Variants in SMYD3 observed in about 807,000 individuals in gnomAD.
SMYD3 encodes histone-lysine N-methyltransferase SMYD3.
SMYD3 carries 36 observed loss-of-function variants against 57.7 expected under a neutral mutation model. The ratio of observed to expected loss-of-function variants is 0.62; its 90% confidence interval spans 0.48 to 0.82. The LOEUF (loss-of-function observed/expected upper bound fraction) is 0.82, where lower values mean the gene tolerates loss of function less well. Ranked by LOEUF, SMYD3 falls within the 40% of genes least tolerant of loss-of-function variation. The pLI is 0.00. For synonymous variants in SMYD3, 211 were observed against 195.0 expected, an observed-to-expected ratio of 1.08 and a Z score of -0.68; for missense variants, 515 against 538.8, an observed-to-expected ratio of 0.96 and a Z score of 0.44.
intron 5 of SMYD3, among the ~76,000 whole-genome samples, chr1:246,000,697 C>T (rs2059023239): frequency 1.3e-5 from 2 of 152,338 alleles, no homozygotes; most frequent in South Asian, 4.1e-4. Flanking sequence ...TTCCAGGGCG[C>T]TCACTAATCA....
intron 1 of SMYD3, among the ~76,000 whole-genome samples, chr1:246,374,473 G>A (rs1291895130): frequency 1.3e-5 from 2 of 152,066 alleles, no homozygotes; most frequent in Non-Finnish European, 2.9e-5. Flanking sequence ...AGACCACTTG[G>A]TGCTCTGTTT....
At chr1:246,036,549 T>G (rs1416230489) in intron 5 of SMYD3, among the ~76,000 whole-genome samples, 18 of 115,280 alleles carry the variant, frequency 1.6e-4, no homozygotes, top group South Asian at 1.0e-3. Context: ...CTTTTTTTTT[T>G]TTTTGTTTTG....
intron 5 of SMYD3, among the ~76,000 whole-genome samples, chr1:245,956,330 A>G (rs1328826604): frequency 6.6e-6 from 1 of 152,244 alleles, no homozygotes; most frequent in Non-Finnish European, 1.5e-5. Flanking sequence ...TGTCTGATTC[A>G]TTGTGGCTTC....
intron 11 of SMYD3, among the ~76,000 whole-genome samples, chr1:245,750,338 A>G (rs2147997166): frequency 6.6e-6 from 1 of 152,320 alleles, no homozygotes; most frequent in Admixed American, 6.5e-5. Context: ...AAGAGACTCC[A>G]TGCTGCAAGG....
At chr1:246,211,676 A>C (rs1299320011) in intron 5 of SMYD3, among the ~76,000 whole-genome samples, 1 of 152,162 alleles carries the variant, frequency 6.6e-6, no homozygotes, top group Non-Finnish European at 1.5e-5. Flanking sequence ...CTACCAATGA[A>C]TAGATTCTTC....
chr1:245,949,346 C>G, intron 5 of SMYD3, among the ~76,000 whole-genome samples: 1 of 152,274 alleles, frequency 6.6e-6, no homozygotes, highest in East Asian at 1.9e-4. Flanking sequence ...CTGGTGCGCC[C>G]GGGGTCCCTG....
intron 1 of SMYD3, among the ~76,000 whole-genome samples, chr1:246,473,591 T>TA (rs1402095639): frequency 1.3e-5 from 2 of 152,216 alleles, no homozygotes; most frequent in African/African-American, 4.8e-5. Flanking sequence ...TTTAATGTGC[T>TA]AAAATTGCCC....
At chr1:245,760,153 T>G (rs983951987) in intron 11 of SMYD3, among the ~76,000 whole-genome samples, 2 of 152,226 alleles carry the variant, frequency 1.3e-5, no homozygotes, top group Non-Finnish European at 2.9e-5. Context: ...ATTCCTTTCC[T>G]GGAGGAGGCT....
chr1:245,971,606 C>T (rs1352081928), intron 5 of SMYD3, among the ~76,000 whole-genome samples: 1 of 152,208 alleles, frequency 6.6e-6, no homozygotes, highest in East Asian at 1.9e-4. Context: ...GTTGTTCTCT[C>T]TGAAACATCC....
chr1:245,752,601 T>C (rs981893558), intron 11 of SMYD3, among the ~76,000 whole-genome samples: 2 of 152,226 alleles, frequency 1.3e-5, no homozygotes, highest in Non-Finnish European at 1.5e-5. Context: ...TTCTCCTCTT[T>C]TGCAGCTTTA....
At position 245,835,638 on chromosome 1, in the gene SMYD3, C is replaced by T. The variant is rs369031660; in HGVS notation, c.1076+22858G>A. Among the ~76,000 whole-genome samples, 25 of 152,252 alleles carry T rather than the reference C, an allele frequency of 1.6e-4. No individual in the cohort carries two copies. In the East Asian group the frequency reaches 1.7e-3, roughly 11 times the overall value. On this transcript the variant is annotated intron_variant, in intron 10 of 11. Coordinates refer to ENST00000490107, the MANE Select transcript of SMYD3 (RefSeq NM_001167740.2). ...GTCTCATGGTTGATACCAGATGGCC[C>T]GGTCTCGATTCTGCACAAGCTTGGT... is the stretch of plus-strand genomic sequence containing the variant.
intron 1 of SMYD3, among the ~76,000 whole-genome samples, chr1:246,413,687 G>A (rs2067012877): frequency 6.6e-6 from 1 of 152,016 alleles, no homozygotes; most frequent in African/African-American, 2.4e-5. Flanking sequence ...CCATGTGACG[G>A]GCCAGCTCCG....
chr1:246,038,770 C>T (rs1001954166), intron 5 of SMYD3, among the ~76,000 whole-genome samples: 2 of 152,146 alleles, frequency 1.3e-5, no homozygotes, highest in African/African-American at 4.8e-5. Flanking sequence ...TCTTCTGTTC[C>T]TGCATGACTG....
chr1:246,385,010 CAT>C (rs942464918), intron 1 of SMYD3, among the ~76,000 whole-genome samples: 1 of 152,058 alleles, frequency 6.6e-6, no homozygotes, highest in African/African-American at 2.4e-5. Context: ...TTCATTCATA[CAT>C]TTAAAAAAAA....
chr1:246,301,188 C>A (rs2064887193), intron 5 of SMYD3, among the ~76,000 whole-genome samples: 1 of 152,078 alleles, frequency 6.6e-6, no homozygotes, highest in East Asian at 1.9e-4. Context: ...TGAACAAAGT[C>A]TAATGAACAA....
At chr1:246,275,968 G>T (rs1483454972) in intron 5 of SMYD3, among the ~76,000 whole-genome samples, 1 of 121,792 alleles carries the variant, frequency 8.2e-6, no homozygotes, top group Non-Finnish European at 1.8e-5. Flanking sequence ...AACACTGGCA[G>T]GTTATTTAAT....
chr1:246,196,515 A>G (rs2062832243), intron 5 of SMYD3, among the ~76,000 whole-genome samples: 1 of 152,240 alleles, frequency 6.6e-6, no homozygotes, highest in African/African-American at 2.4e-5. Flanking sequence ...ATCTTGAAAA[A>G]TAATAAAAGC....
intron 5 of SMYD3, among the ~76,000 whole-genome samples, chr1:245,943,204 G>T (rs2057315644): frequency 7.8e-6 from 1 of 128,904 alleles, no homozygotes; most frequent in African/African-American, 2.9e-5. Flanking sequence ...GAATACAGGG[G>T]CTGAGTTTTT....
chr1:246,218,485 G>T (rs938784067), intron 5 of SMYD3, among the ~76,000 whole-genome samples: 5 of 152,098 alleles, frequency 3.3e-5, no homozygotes, highest in African/African-American at 1.2e-4. Context: ...TAGCCAGGGG[G>T]TGGCGGGCGG....
Sources: gnomAD v4.1 joint callset for allele counts (sites outside exome capture counted in the v4.1 genomes callset) on GRCh38, gnomAD v4.1.1 for gene constraint, MANE v1.5 for transcripts, NCBI Gene and HGNC (gene_info 2026-07-23, HGNC 2026-07-21) for gene names.